PHLPP1: variants seen among roughly 807,000 people sequenced by gnomAD.
PHLPP1 encodes PH domain leucine-rich repeat-containing protein phosphatase 1.
A neutral mutation model predicts 117.2 loss-of-function variants in PHLPP1; 42 were observed. The ratio of observed to expected loss-of-function variants is 0.36; its 90% CI spans 0.28 to 0.46. The LOEUF (loss-of-function observed/expected upper bound fraction) is 0.46. PHLPP1 is among the 20% of genes least tolerant of loss of function. The probability of loss-of-function intolerance (pLI) is 1.00; values close to 1 mark genes in which losing one functional copy is unlikely to be tolerated. For synonymous variants in PHLPP1, 1,042 were observed against 970.7 expected, an observed-to-expected ratio of 1.07 and a Z score of -1.37; for missense variants, 2,084 against 2,241.9, an observed-to-expected ratio of 0.93 and a Z score of 1.42.
At position 62,819,968 on chromosome 18, in the gene PHLPP1, A is replaced by G. The variant is rs546380165; in HGVS notation, c.1577-10067A>G. On this transcript the variant is annotated intron_variant, in intron 1 of 16. Transcript: ENST00000262719. ...TGGCCAAGAAACCCATTTTAAATAT[A>G]AAGACCATATAGGTTCAAAGTAAAA... 8.5e-5 allele frequency among the ~76,000 whole-genome samples: 13 copies of G among 152,344 alleles called. No homozygotes were observed. The South Asian group carries it at 1.9e-3, about 22-fold the overall frequency.
intron 4 of PHLPP1, among the ~76,000 whole-genome samples, chr18:62,891,161 A>G (rs1916397279): frequency 6.6e-6 from 1 of 152,232 alleles, no homozygotes; most frequent in Admixed American, 6.5e-5. Flanking sequence ...TGAAATTTAA[A>G]TTTAACTGGA....
intron 2 of PHLPP1, among the ~76,000 whole-genome samples, chr18:62,831,996 G>A (rs1193199222): frequency 6.6e-6 from 1 of 152,120 alleles, no homozygotes; most frequent in East Asian, 1.9e-4. Context: ...GTGGATGGAT[G>A]GATTACTGAA....
At chr18:62,916,619 T>TGTGTGTGTGTGTCC (rs1357640220) in intron 9 of PHLPP1, among the ~76,000 whole-genome samples, 2 of 151,556 alleles carry the variant, frequency 1.3e-5, no homozygotes, top group African/African-American at 4.9e-5. Flanking sequence ...TGTGTGTGTG[T>TGTGTGTGTGTGTCC]GTGTGTGTGT....
intron 1 of PHLPP1, among the ~76,000 whole-genome samples, chr18:62,739,195 T>G (rs973276923): frequency 1.3e-5 from 2 of 152,098 alleles, no homozygotes; most frequent in African/African-American, 4.8e-5. Context: ...TTGAATGAAA[T>G]TGTTAGAGTG....
intron 1 of PHLPP1, among the ~76,000 whole-genome samples, chr18:62,808,547 G>GTTTTTTTTTGTTTT (rs754879032): frequency 7.0e-6 from 1 of 142,396 alleles, no homozygotes; most frequent in Non-Finnish European, 1.6e-5. Flanking sequence ...TCATCTCTCT[G>GTTTTTTTTTGTTTT]TTTTTTTTTG....
intron 3 of PHLPP1, among the ~76,000 whole-genome samples, chr18:62,848,586 C>T (rs1028105484): frequency 2.6e-5 from 4 of 151,204 alleles, no homozygotes; most frequent in Admixed American, 1.3e-4. Flanking sequence ...ACCTCAGCCT[C>T]CCGAGTAACT....
chr18:62,866,451 G>A (rs533504537), intron 4 of PHLPP1, among the ~76,000 whole-genome samples: 1 of 151,942 alleles, frequency 6.6e-6, no homozygotes, highest in Non-Finnish European at 1.5e-5. Context: ...TGCCATGTTG[G>A]CCAGGCTGGT....
At chr18:62,821,498 G>A (rs1317395019) in intron 1 of PHLPP1, among the ~76,000 whole-genome samples, 1 of 137,402 alleles carries the variant, frequency 7.3e-6, no homozygotes, top group African/African-American at 2.8e-5. Flanking sequence ...GCAGTGAGCC[G>A]AGATCGCATC....
intron 1 of PHLPP1, among the ~76,000 whole-genome samples, chr18:62,756,495 A>G (rs977078777): frequency 6.6e-6 from 1 of 152,200 alleles, no homozygotes; most frequent in Non-Finnish European, 1.5e-5. Flanking sequence ...TGGGATCTAG[A>G]CAATATGTGG....
At position 62,936,069 on chromosome 18, in the gene PHLPP1, G is replaced by A. The variant is rs1053730724; in HGVS notation, c.2961-5649G>A. ...TATCATTCTTCAACAAAAGGAATCA[G>A]GTGTCCTTGGAAACAGGATTGAGTG... On this transcript the variant is annotated intron_variant, in intron 10 of 16. Transcript: ENST00000262719. Among the ~76,000 whole-genome samples, 4 of 152,118 alleles carry A rather than the reference G, an allele frequency of 2.6e-5. No individual in the cohort carries two copies. The East Asian group carries it at 7.7e-4, about 29-fold the overall frequency.
intron 1 of PHLPP1, chr18:62,826,244 C>T (rs761830616): frequency 3.8e-5 from 16 of 423,428 alleles, no homozygotes; most frequent in South Asian, 1.6e-4. Flanking sequence ...AGCTTACTTA[C>T]GGAGATGACA....
chr18:62,835,844 A>G (rs1182845070), intron 2 of PHLPP1, among the ~76,000 whole-genome samples: 2 of 142,924 alleles, frequency 1.4e-5, no homozygotes, highest in African/African-American at 5.3e-5. Context: ...ACACTGGCAC[A>G]ATATCAGCTC....
At chr18:62,789,345 T>G (rs912176649) in intron 1 of PHLPP1, among the ~76,000 whole-genome samples, 1 of 152,184 alleles carries the variant, frequency 6.6e-6, no homozygotes, top group Admixed American at 6.5e-5. Context: ...ATATGTGTGT[T>G]TATGTGTGTA....
At position 62,839,074 on chromosome 18, in the gene PHLPP1, C is replaced by G. The variant is rs575696917; in HGVS notation, c.1899+165C>G. On this transcript the variant is annotated intron_variant, in intron 3 of 16. Coordinates refer to ENST00000262719, the MANE Select transcript of PHLPP1 (RefSeq NM_194449.4). ...TTTAGTTTTTTAAAAACTAATTTTG[C>G]CTGAAAAGTGGCTTTTTAAAAATTG... The G allele has an allele frequency of 4.7e-5, 31 of 662,762 alleles. No homozygotes were observed. The South Asian group carries it at 7.1e-4, about 15-fold the overall frequency. 41.1% of individuals were successfully genotyped at this position (662,762 alleles called of 1,614,324 possible).
chr18:62,898,742 C>T (rs1320180696), intron 6 of PHLPP1, among the ~76,000 whole-genome samples: 2 of 152,054 alleles, frequency 1.3e-5, no homozygotes, highest in Non-Finnish European at 2.9e-5. Flanking sequence ...AACTGCATTA[C>T]GAGTTGATTC....
intron 2 of PHLPP1, among the ~76,000 whole-genome samples, chr18:62,837,501 T>C (rs1169168877): frequency 6.6e-6 from 1 of 152,214 alleles, no homozygotes; most frequent in Non-Finnish European, 1.5e-5. Context: ...TCCATTTTTC[T>C]TGCCAGAGTA....
chr18:62,783,874 T>C (rs761653177), intron 1 of PHLPP1, among the ~76,000 whole-genome samples: 5 of 152,326 alleles, frequency 3.3e-5, no homozygotes, highest in Non-Finnish European at 2.9e-5. Context: ...AGAGAACTTA[T>C]ACTTCTCACA....
intron 4 of PHLPP1, among the ~76,000 whole-genome samples, chr18:62,887,063 T>C (rs1383495958): frequency 6.6e-6 from 1 of 152,222 alleles, no homozygotes; most frequent in East Asian, 1.9e-4. Context: ...CTCATACTGC[T>C]ACTCTTGGTA....
intron 1 of PHLPP1, among the ~76,000 whole-genome samples, chr18:62,785,251 ACT>A (rs139483289): frequency 2.0e-5 from 3 of 152,126 alleles, no homozygotes; most frequent in East Asian, 1.9e-4. Context: ...GCCATTTAAG[ACT>A]CTCTGTATCA....
Sources: gnomAD v4.1 joint callset for allele counts (sites outside exome capture counted in the v4.1 genomes callset) on GRCh38, gnomAD v4.1.1 for gene constraint, MANE v1.5 for transcripts, NCBI Gene and HGNC (gene_info 2026-07-23, HGNC 2026-07-21) for gene names.